Variants in SOX5 observed in about 807,000 individuals in gnomAD.
SOX5 encodes the protein transcription factor SOX-5.
SOX5 carries 9 observed loss-of-function variants against 92.0 expected under a neutral mutation model. The observed-to-expected ratio is 0.10, with a 90% CI of 0.06 to 0.17. The LOEUF is 0.17. Ranked by LOEUF, SOX5 falls within the 10% of genes least tolerant of loss-of-function variation. The pLI, the probability that SOX5 is intolerant of heterozygous loss-of-function variation, is 1.00. For missense variants in SOX5, 642 were observed against 944.5 expected, an observed-to-expected ratio of 0.68 and a Z score of 4.20; for synonymous variants, 344 against 336.3, an observed-to-expected ratio of 1.02 and a Z score of -0.25.
intron 4 of SOX5, among the ~76,000 whole-genome samples, chr12:24,147,436 T>A (rs754319900): frequency 2.6e-5 from 4 of 152,136 alleles, no homozygotes; most frequent in African/African-American, 9.7e-5. Context: ...CTCACCACGA[T>A]GAAGAACACC....
intron 4 of SOX5, among the ~76,000 whole-genome samples, chr12:24,174,081 T>C (rs556206593): frequency 2.0e-5 from 3 of 152,042 alleles, no homozygotes; most frequent in Non-Finnish European, 2.9e-5. Flanking sequence ...CACTGCAACC[T>C]ACGCCTCCTG....
intron 4 of SOX5, among the ~76,000 whole-genome samples, chr12:24,151,536 T>C (rs2138835655): frequency 6.6e-6 from 1 of 152,250 alleles, no homozygotes; most frequent in African/African-American, 2.4e-5. Flanking sequence ...ATTTTGAAGG[T>C]GGTAGTAGTG....
At chr12:23,998,508 A>G (rs1240478084) in intron 4 of SOX5, among the ~76,000 whole-genome samples, 1 of 152,018 alleles carries the variant, frequency 6.6e-6, no homozygotes, top group Non-Finnish European at 1.5e-5. Context: ...GAGAGGAGGA[A>G]AAAAAGGGGC....
chr12:23,956,744 G>A lies in SOX5; in HGVS notation c.-1-60720C>T, dbSNP rs183311293. ...TTTGTCACCCAGGCTGGAGTGCAGT[G>A]GTGTGACCTCGGCTCACTGCAACCT... On this transcript the variant is annotated intron_variant, in intron 4 of 4. Coordinates refer to the SOX5 transcript ENST00000446891. 3.5e-3 allele frequency among the ~76,000 whole-genome samples: 526 copies of A among 152,104 alleles called. 3 individuals carry two copies. The highest frequency in any genetic ancestry group is 6.1e-3 in the Admixed American group (93 of 15,272).
intron 6 of SOX5, among the ~76,000 whole-genome samples, chr12:23,710,715 C>G (rs2091966502): frequency 6.6e-6 from 1 of 152,168 alleles, no homozygotes; most frequent in South Asian, 2.1e-4. Flanking sequence ...GTGCATGTGC[C>G]TTTATAGCAG....
intron 1 of SOX5, among the ~76,000 whole-genome samples, chr12:24,372,831 C>T (rs558674485): frequency 1.3e-5 from 2 of 151,730 alleles, no homozygotes; most frequent in African/African-American, 4.8e-5. Context: ...TTTAAACAGA[C>T]TTGGGGATGG....
At chr12:24,387,263 C>T (rs1318190641) in intron 1 of SOX5, among the ~76,000 whole-genome samples, 1 of 152,174 alleles carries the variant, frequency 6.6e-6, no homozygotes, top group Non-Finnish European at 1.5e-5. Flanking sequence ...TCATCCTATC[C>T]CTGTAGATCA....
chr12:24,248,044 G>A (rs568402628), intron 3 of SOX5, among the ~76,000 whole-genome samples: 6 of 152,256 alleles, frequency 3.9e-5, no homozygotes, highest in Admixed American at 2.6e-4. Flanking sequence ...TTAGAGTCTG[G>A]GTGGAGCCTT....
intron 6 of SOX5, among the ~76,000 whole-genome samples, chr12:23,711,801 G>T (rs1007859825): frequency 6.6e-6 from 1 of 152,028 alleles, no homozygotes; most frequent in African/African-American, 2.4e-5. Context: ...ACCTCAAAAA[G>T]AAATGAAACA....
intron 2 of SOX5, among the ~76,000 whole-genome samples, chr12:23,858,566 G>C (rs2096720352): frequency 6.6e-6 from 1 of 152,194 alleles, no homozygotes; most frequent in South Asian, 2.1e-4. Flanking sequence ...TGAGGTTGCA[G>C]AGAAGAGGGA....
intron 3 of SOX5, among the ~76,000 whole-genome samples, chr12:23,775,198 A>G (rs759539738): frequency 1.3e-5 from 2 of 152,226 alleles, no homozygotes; most frequent in Non-Finnish European, 2.9e-5. Context: ...TATCTTGTAC[A>G]TAATAATATG....
intron 3 of SOX5, among the ~76,000 whole-genome samples, chr12:23,782,505 G>T (rs1243486361): frequency 1.3e-5 from 2 of 152,226 alleles, no homozygotes; most frequent in East Asian, 3.9e-4. Flanking sequence ...AAAACTTTCG[G>T]ATGTAAGGAG....
At chr12:24,476,005 A>ATT (rs1555312735) in intron 1 of SOX5, among the ~76,000 whole-genome samples, 11 of 95,374 alleles carry the variant, frequency 1.2e-4, no homozygotes, top group African/African-American at 2.5e-4. Flanking sequence ...AAAAAAAAAA[A>ATT]AAAAAAAAAG....
intron 1 of SOX5, among the ~76,000 whole-genome samples, chr12:24,418,142 G>T (rs933622727): frequency 6.7e-6 from 1 of 150,228 alleles, no homozygotes; most frequent in African/African-American, 2.5e-5. Context: ...ATTTACTCAC[G>T]TGCTACAGCC....
chr12:24,362,912 A>G (rs77342575), intron 2 of SOX5, among the ~76,000 whole-genome samples: 7,178 of 151,392 alleles, frequency 0.047, 197 homozygotes, highest in South Asian at 0.068. Context: ...ACAGCATTAT[A>G]CATATAATAA....
intron 4 of SOX5, among the ~76,000 whole-genome samples, chr12:24,089,123 T>G (rs1389966364): frequency 6.6e-6 from 1 of 152,092 alleles, no homozygotes; most frequent in African/African-American, 2.4e-5. Context: ...TACCCATACA[T>G]TTTCAGAAGA....
chr12:24,237,577 AG>A (rs1280942984), intron 3 of SOX5, among the ~76,000 whole-genome samples: 1 of 151,908 alleles, frequency 6.6e-6, no homozygotes, highest in Non-Finnish European at 1.5e-5. Context: ...CAAGCCTGGA[AG>A]TCGTAAGACT....
At chr12:23,678,532 G>T (rs2086067695) in intron 6 of SOX5, among the ~76,000 whole-genome samples, 1 of 151,998 alleles carries the variant, frequency 6.6e-6, no homozygotes, top group African/African-American at 2.4e-5. Flanking sequence ...GAACATAGAC[G>T]GACAACATGA....
chr12:23,665,599 A>T (rs2083665503), intron 6 of SOX5, 35 bp from the exon 7 acceptor site: 6 of 1,575,004 alleles, frequency 3.8e-6, no homozygotes, highest in Middle Eastern at 1.7e-4. Context: ...AAAGAGAAGA[A>T]GTTTCGATGC....
Sources: gnomAD v4.1 joint callset for allele counts (sites outside exome capture counted in the v4.1 genomes callset) on GRCh38, gnomAD v4.1.1 for gene constraint, MANE v1.5 for transcripts, NCBI Gene and HGNC (gene_info 2026-07-23, HGNC 2026-07-21) for gene names.